Variants in ANKRD26 observed in about 807,000 individuals in gnomAD.
The protein encoded by ANKRD26 is ankyrin repeat domain 26.
ANKRD26 carries 141 observed loss-of-function variants against 208.7 expected under a neutral mutation model. The observed-to-expected ratio is 0.68, with a 90% CI of 0.59 to 0.78. The LOEUF (loss-of-function observed/expected upper bound fraction) is 0.78. Among genes scored for constraint, ANKRD26 ranks in the 30% least tolerant of loss-of-function variants. The pLI, the probability that ANKRD26 is intolerant of heterozygous loss-of-function variation, is 0.00. For missense variants in ANKRD26, 1,889 were observed against 1,938.7 expected, an observed-to-expected ratio of 0.97 and a Z score of 0.48; for synonymous variants, 636 against 660.4, an observed-to-expected ratio of 0.96 and a Z score of 0.57.
At chr10:27,047,829 C>T (rs940091876) in intron 17 of ANKRD26, among the ~76,000 whole-genome samples, 5 of 151,450 alleles carry the variant, frequency 3.3e-5, no homozygotes, top group South Asian at 2.1e-4. Flanking sequence ...CTGCAACTTC[C>T]GACTCCCGGG....
intron 3 of ANKRD26, among the ~76,000 whole-genome samples, chr10:26,986,466 A>G (rs2052389289): frequency 1.3e-5 from 2 of 152,196 alleles, no homozygotes; most frequent in Non-Finnish European, 2.9e-5. Context: ...GCACAGCAAA[A>G]GAAACTACCA....
intron 7 of ANKRD26, 64 bp downstream of exon 7, chr10:27,079,025 A>G: frequency 1.4e-6 from 2 of 1,436,586 alleles, no homozygotes; most frequent in Non-Finnish European, 2.0e-6. Flanking sequence ...GCAAAATTTT[A>G]AGAGAATACT....
At chr10:27,039,843 C>T in intron 21 of ANKRD26, 122 bp downstream of exon 21, 1 of 826,230 alleles carries the variant, frequency 1.2e-6, no homozygotes. Flanking sequence ...GAATTTCACA[C>T]TCCACAAGAC....
exon 5 of ANKRD26, chr10:26,995,056 T>C (rs1416657757): frequency 4.2e-6 from 2 of 471,150 alleles, no homozygotes; most frequent in South Asian, 3.1e-5. Flanking sequence ...TATCTCAGCA[T>C]TATCCAGTGG....
At chr10:26,965,884 A>C in the ANKRD26 span, among the ~76,000 whole-genome samples, 15 of 152,150 alleles carry the variant, frequency 9.9e-5, no homozygotes, top group African/African-American at 3.4e-4. Context: ...TGAAAAAAAA[A>C]CTCAACATCA....
intron 10 of ANKRD26, 47 bp from the exon 11 acceptor site, chr10:27,066,595 G>A (rs2135491637): frequency 3.8e-6 from 5 of 1,320,222 alleles, no homozygotes; most frequent in Non-Finnish European, 5.3e-6. Context: ...ATTTACTATT[G>A]TAAATTTTAA....
downstream of ANKRD26, among the ~76,000 whole-genome samples, chr10:26,989,205 CT>C (rs920044118): frequency 6.6e-6 from 1 of 152,032 alleles, no homozygotes; most frequent in African/African-American, 2.4e-5. Flanking sequence ...AAATGTTCCC[CT>C]TTTAGGGTTA....
At chr10:26,949,968 C>T in the ANKRD26 span, among the ~76,000 whole-genome samples, 3 of 152,148 alleles carry the variant, frequency 2.0e-5, no homozygotes, top group Admixed American at 6.5e-5. Context: ...ATTGAAAAAA[C>T]CAGATTATTT....
intron 5 of ANKRD26, among the ~76,000 whole-genome samples, chr10:26,977,449 G>A (rs1442649412): frequency 6.6e-6 from 1 of 152,100 alleles, no homozygotes; most frequent in Non-Finnish European, 1.5e-5. Flanking sequence ...GGGATTTGTG[G>A]GCCACAGACT....
chr10:27,072,565 T>G (rs1181300431), intron 9 of ANKRD26, among the ~76,000 whole-genome samples: 2 of 152,118 alleles, frequency 1.3e-5, no homozygotes, highest in Non-Finnish European at 2.9e-5. Flanking sequence ...TGTCTGAGAC[T>G]CCAGAGTATT....
At chr10:26,973,097 A>G (rs1377315798), downstream of ANKRD26, among the ~76,000 whole-genome samples, 2 of 152,136 alleles carry the variant, frequency 1.3e-5, no homozygotes, top group Admixed American at 6.5e-5. Flanking sequence ...TGGCCTCGAT[A>G]TATACCTGTT....
intron 6 of ANKRD26, chr10:27,081,042 C>A: frequency 1.3e-6 from 1 of 746,006 alleles, no homozygotes; most frequent in South Asian, 6.1e-5. Flanking sequence ...TAAGTTGAGG[C>A]AGAAGTAGTT....
chr10:27,072,846 G>A (rs895275965), intron 9 of ANKRD26, among the ~76,000 whole-genome samples: 1 of 151,410 alleles, frequency 6.6e-6, no homozygotes, highest in Admixed American at 6.5e-5. Flanking sequence ...AACACACAAA[G>A]GCTATTTGTA....
intron 5 of ANKRD26, among the ~76,000 whole-genome samples, chr10:27,085,838 C>T (rs1382072563): frequency 1.7e-4 from 26 of 152,166 alleles, no homozygotes; most frequent in Admixed American, 1.7e-3. Context: ...AACATGATGA[C>T]AACCAGGATG....
chr10:27,074,086 A>C (rs2055603332), intron 9 of ANKRD26, among the ~76,000 whole-genome samples: 1 of 146,948 alleles, frequency 6.8e-6, no homozygotes, highest in Non-Finnish European at 1.5e-5. Flanking sequence ...AATTAGAAGG[A>C]ACCAGAAAAA....
At chr10:26,955,209 A>C in the ANKRD26 span, among the ~76,000 whole-genome samples, 1 of 151,912 alleles carries the variant, frequency 6.6e-6, no homozygotes, top group Non-Finnish European at 1.5e-5. Context: ...TGAGCAGATC[A>C]CCTGAGGTCA....
At chr10:27,052,505 A>C (rs934444799) in intron 16 of ANKRD26, among the ~76,000 whole-genome samples, 1 of 152,134 alleles carries the variant, frequency 6.6e-6, no homozygotes, top group Admixed American at 6.5e-5. Context: ...GAGTAGGGAA[A>C]GTTTAAATTA....
rs1564371397 is a variant in ANKRD26 at position 27,032,645 on chromosome 10, AC to A, written c.3807+579del. On this transcript the variant is annotated intron_variant, in intron 25 of 33. Coordinates refer to ENST00000376087, the MANE Select transcript of ANKRD26 (RefSeq NM_014915.3). The stretch of plus-strand genomic sequence containing the variant: ...AGCGAGACTCTGTCTCAAAAAAAAA[AC>A]AAAAAACAAAAAACAAAAATTAGCT... 2.7e-5 allele frequency among the ~76,000 whole-genome samples: 4 copies of A among 149,698 alleles called. 1 individual carries two copies. Among genetic ancestry groups the A allele is most frequent in the South Asian group, 2.2e-4 (1 of 4,638 alleles).
chr10:27,005,904 T>G (rs914223593), intron 33 of ANKRD26, among the ~76,000 whole-genome samples, 181 bp from the exon 34 acceptor site: 2 of 152,334 alleles, frequency 1.3e-5, no homozygotes, highest in East Asian at 3.9e-4. Context: ...ACTGAATTAA[T>G]TATCCTTGTG....
Sources: gnomAD v4.1 joint callset for allele counts (sites outside exome capture counted in the v4.1 genomes callset) on GRCh38, gnomAD v4.1.1 for gene constraint, MANE v1.5 for transcripts, NCBI Gene and HGNC (gene_info 2026-07-23, HGNC 2026-07-21) for gene names.